Variants in RAD21L1 observed in about 807,000 individuals in gnomAD.
The protein encoded by RAD21L1 is double-strand-break repair protein rad21-like protein 1.
A neutral mutation model predicts 69.0 loss-of-function variants in RAD21L1; 47 were observed. The ratio of observed to expected loss-of-function variants is 0.68; its 90% CI spans 0.54 to 0.87. The LOEUF is 0.87. Among genes scored for constraint, RAD21L1 ranks in the 40% least tolerant of loss-of-function variants. The pLI, the probability that RAD21L1 is intolerant of heterozygous loss-of-function variation, is 0.00. For synonymous variants in RAD21L1, 177 were observed against 205.8 expected (o/e 0.86, Z 1.20); for missense variants, 583 against 647.6 (o/e 0.90, Z 1.08).
At chr20:1,235,933 A>T (rs916762999) in intron 5 of RAD21L1, among the ~76,000 whole-genome samples, 3 of 151,898 alleles carry the variant, frequency 2.0e-5, no homozygotes, top group Non-Finnish European at 4.4e-5. Flanking sequence ...GCACTCGGCT[A>T]ATTTTTGTAT....
At chr20:1,238,440 A>G (rs2087543591) in intron 6 of RAD21L1, among the ~76,000 whole-genome samples, 1 of 152,108 alleles carries the variant, frequency 6.6e-6, no homozygotes, top group African/African-American at 2.4e-5. Context: ...GAGGTTATGA[A>G]CTACTGCTTG....
rs974155104 is a variant in RAD21L1 at position 1,229,738 on chromosome 20, G to T, written c.145-142G>T. On this transcript the variant is annotated intron_variant, in intron 2 of 13. Transcript: ENST00000683101. ...TAAAAAAATCATTTTGCAAGGTAAGGTAAAAAGTGATATACTTTAACTAAG... is the reference window on the plus strand; with the variant it reads ...TAAAAAAATCATTTTGCAAGGTAAGTTAAAAAGTGATATACTTTAACTAAG... 13 of 590,840 alleles carry T rather than the reference G, an allele frequency of 2.2e-5. No individual in the cohort carries two copies. The African/African-American group carries it at 2.4e-4, about 11-fold the overall frequency. The allele number at this position is 590,840 out of a possible 1,614,324, so 36.6% of individuals were successfully genotyped here.
intron 13 of RAD21L1, among the ~76,000 whole-genome samples, chr20:1,248,929 A>G (rs2087771732): frequency 6.6e-6 from 1 of 152,168 alleles, no homozygotes; most frequent in Non-Finnish European, 1.5e-5. Context: ...TAATACCCTT[A>G]GATATCCATT....
chr20:1,227,084 A>G (rs979171352), intron 1 of RAD21L1, among the ~76,000 whole-genome samples: 1 of 152,008 alleles, frequency 6.6e-6, no homozygotes, highest in African/African-American at 2.4e-5. Flanking sequence ...TACTTTTTGT[A>G]CTTTTAGTAG....
chr20:1,254,241 C>G (rs775305032), intron 13 of RAD21L1, 28 bp from the exon 14 acceptor site: 178 of 1,399,698 alleles, frequency 1.3e-4, no homozygotes, highest in Admixed American at 2.1e-4. Flanking sequence ...TTTCCCATTT[C>G]TTTTTTCTTT....
chr20:1,242,187 AG>A (rs1341228387), intron 8 of RAD21L1, among the ~76,000 whole-genome samples: 45 of 152,138 alleles, frequency 3.0e-4, no homozygotes, highest in Admixed American at 2.7e-3. Context: ...AGAGGGGAGA[AG>A]GGATTTTCTT....
intron 1 of RAD21L1, among the ~76,000 whole-genome samples, chr20:1,226,874 G>A (rs1204056206): frequency 6.6e-6 from 1 of 152,168 alleles, no homozygotes; most frequent in Non-Finnish European, 1.5e-5. Context: ...TTTTTTCTTT[G>A]TTTGTTTTCT....
intron 2 of RAD21L1, among the ~76,000 whole-genome samples, chr20:1,229,211 G>A (rs1047857611): frequency 6.6e-6 from 1 of 152,168 alleles, no homozygotes; most frequent in African/African-American, 2.4e-5. Flanking sequence ...ACTGTAGTTA[G>A]CATGTTTTGA....
Position 1,246,424 on chromosome 20 carries a change from T to A in RAD21L1, c.1401+119T>A. Reference sequence around the variant, plus strand: ...CATGTTACTTTCTAAATTTATAATTTAAATTTGTGATTACAACAGAGATGT... The same window carrying A: ...CATGTTACTTTCTAAATTTATAATTAAAATTTGTGATTACAACAGAGATGT... On this transcript the variant is annotated intron_variant, in intron 12 of 13. Transcript: ENST00000683101. This position sits in a 1 kb window ranked among gnomAD's most constrained non-coding sequence, Gnocchi z 4.6. 1 of 438,334 alleles carries A rather than the reference T, an allele frequency of 2.3e-6. No individual in the cohort carries two copies. Among genetic ancestry groups the A allele is most frequent in the Non-Finnish European group, 4.0e-6 (1 of 247,722 alleles). 27.2% of individuals were successfully genotyped at this position (438,334 alleles called of 1,614,324 possible).
chr20:1,242,911 T>C (rs2087644016), intron 9 of RAD21L1, 66 bp downstream of exon 9: 17 of 1,090,990 alleles, frequency 1.6e-5, no homozygotes, highest in East Asian at 2.6e-5. Flanking sequence ...AATAAATAAA[T>C]AAACACATAT....
At chr20:1,248,114 C>T (rs1030953621) in intron 12 of RAD21L1, among the ~76,000 whole-genome samples, 1 of 149,452 alleles carries the variant, frequency 6.7e-6, no homozygotes, top group African/African-American at 2.5e-5. Context: ...GCACAGATGC[C>T]TTGGACAAGG....
At chr20:1,235,914 T>A (rs6078274) in intron 5 of RAD21L1, among the ~76,000 whole-genome samples, 10,166 of 152,110 alleles carry the variant, frequency 0.067, 471 homozygotes, top group East Asian at 0.17. Context: ...ACTACAGGCA[T>A]GCACCTCCGC....
At chr20:1,253,436 A>G (rs2087875687) in intron 13 of RAD21L1, among the ~76,000 whole-genome samples, 1 of 152,196 alleles carries the variant, frequency 6.6e-6, no homozygotes, top group Non-Finnish European at 1.5e-5. Context: ...AGCTGGGATT[A>G]GAGGCGCGTG....
intron 1 of RAD21L1, among the ~76,000 whole-genome samples, chr20:1,228,019 G>A (rs2087300656): frequency 1.3e-5 from 2 of 152,136 alleles, no homozygotes; most frequent in African/African-American, 4.8e-5. Context: ...GAAAAGAGGT[G>A]CCCTGTATTA....
intron 13 of RAD21L1, among the ~76,000 whole-genome samples, chr20:1,249,196 G>C (rs1202794900): frequency 1.3e-5 from 2 of 152,006 alleles, no homozygotes; most frequent in Admixed American, 1.3e-4. Flanking sequence ...GTTTCTTTTA[G>C]TATTTATATC....
Position 1,243,107 on chromosome 20 carries a change from A to C in RAD21L1, c.1094A>C (p.Lys365Thr), listed in dbSNP as rs1293521570. The C allele has an allele frequency of 2.0e-6, 3 of 1,522,896 alleles. No individual in the cohort carries two copies. The allele number at this position is 1,522,896 out of a possible 1,614,324, so 94.3% of individuals were successfully genotyped here. A position where few individuals can be genotyped will look rare whatever the true frequency, so the allele number is the denominator to read the frequency against. ...TGTGTATTTTTACAGTTGTTTACAA[A>C]ATGCTTTCTGTCCTCTGGCTTTAAA... ...IHAELKMLFT[K>T]CFLSSGFKLG... The change falls in exon 10 of 14, where the codon AAA becomes ACA. Residue 365 changes from lysine (K) to threonine (T), a missense_variant. Lys to Thr is a moderately conservative substitution (Grantham distance 78). Coordinates refer to ENST00000683101, the MANE Select transcript of RAD21L1 (RefSeq NM_001384355.1).
Position 1,240,389 on chromosome 20 carries a change from T to A in RAD21L1, c.811T>A (p.Ser271Thr). The A allele has an allele frequency of 6.5e-7, 1 of 1,550,076 alleles. No individual in the cohort carries two copies. Among genetic ancestry groups the A allele is most frequent in the Non-Finnish European group, 8.7e-7 (1 of 1,146,248 alleles). Reference sequence around the variant, plus strand: ...AAAAATGAATGAAACAATATTATTATCAACTGAAGAGGAAGGATTTACCCT... The same window carrying A: ...AAAAATGAATGAAACAATATTATTAACAACTGAAGAGGAAGGATTTACCCT... Reference protein sequence around the residue: ...NEKMNETILLSTEEEGFTLDP... With the variant: ...NEKMNETILLTTEEEGFTLDP... The change falls in exon 8 of 14, where the codon TCA (serine) becomes ACA (threonine). Residue 271 changes from serine (S) to threonine (T), a missense_variant. Ser to Thr is a moderately conservative substitution (Grantham distance 58). Coordinates refer to ENST00000683101, the MANE Select transcript of RAD21L1 (RefSeq NM_001384355.1).
In RAD21L1 at chr20:1,247,891, C is replaced by G. The variant is rs142542783; in HGVS notation, c.1402-735C>G. 6.2e-3 allele frequency among the ~76,000 whole-genome samples: 943 copies of G among 152,000 alleles called. 2 individuals carry two copies. Among genetic ancestry groups the G allele is most frequent in the Middle Eastern group, 0.017 (5 of 294 alleles). ...CCAGGTTTGTGCCACTTCCCTTCCC[C>G]CAACCCTTTGTAAGCCTACTCTTTT... On this transcript the variant is annotated intron_variant, in intron 12 of 13. Transcript: ENST00000683101.
chr20:1,235,782 T>G lies in RAD21L1; in HGVS notation c.475+1591T>G, dbSNP rs970949616. 1.4e-3 allele frequency among the ~76,000 whole-genome samples: 210 copies of G among 152,240 alleles called. 3 individuals are homozygous for G. The highest frequency in any genetic ancestry group is 7.9e-4 in the Non-Finnish European group (54 of 68,012). Reference sequence around the variant, plus strand: ...GAAACTTTAGGATCACTTTTTTTTTTTTTTAAATGGGGTCTTGTTCTGTCA... The same window carrying G: ...GAAACTTTAGGATCACTTTTTTTTTGTTTTAAATGGGGTCTTGTTCTGTCA... On this transcript the variant is annotated intron_variant, in intron 5 of 13. Coordinates refer to ENST00000683101, the MANE Select transcript of RAD21L1 (RefSeq NM_001384355.1).
Sources: allele counts gnomAD v4.1 joint callset (sites outside exome capture counted in the v4.1 genomes callset), GRCh38; gene constraint gnomAD v4.1.1; non-coding constraint Gnocchi (gnomAD v3.1); transcripts MANE v1.5; gene names NCBI Gene and HGNC (gene_info 2026-07-23, HGNC 2026-07-21).